OR12D3: variants seen among roughly 807,000 people sequenced by gnomAD.
The protein encoded by OR12D3 is olfactory receptor 12D3.
For synonymous variants in OR12D3, 142 were observed against 138.8 expected, an observed-to-expected ratio of 1.02 and a Z score of -0.16; for missense variants, 333 against 386.4, an observed-to-expected ratio of 0.86 and a Z score of 1.16.
chr6:29,374,926 A>G lies in OR12D3; in HGVS notation c.362T>C (p.Phe121Ser). Residue 121 changes from phenylalanine (F) to serine (S), a missense_variant, in exon 1 of 1, where the codon TTT becomes TCT. Coordinates refer to ENST00000396806, the MANE Select transcript of OR12D3 (RefSeq NM_030959.3). ...GCGAAGAGGATTGCAGATGGCAACA[A>G]AACGGTCAAAGGCCATGATAGCCAG... Reference protein sequence around the residue: ...ILLAIMAFDRFVAICNPLRYT... With the variant: ...ILLAIMAFDRSVAICNPLRYT... The G allele has an allele frequency of 6.2e-7, 1 of 1,614,006 alleles. No individual in the cohort carries two copies. Among genetic ancestry groups the G allele is most frequent in the Non-Finnish European group, 8.5e-7 (1 of 1,180,028 alleles).
chr6:29,374,157 T>C lies in OR12D3; in HGVS notation c.*180A>G. On this transcript the variant is annotated 3_prime_UTR_variant, in exon 1 of 1. Transcript: ENST00000396806. ...GGCCTCCATCACATTAAACTTTATG[T>C]TTGATGACATTATGGAATTTGTTTT... 1 of 578,352 alleles carries C rather than the reference T, an allele frequency of 1.7e-6. No individual in the cohort carries two copies. The highest frequency in any genetic ancestry group is 2.5e-5 in the South Asian group (1 of 40,624). The allele number at this position is 578,352 out of a possible 1,614,324, so 35.8% of individuals were successfully genotyped here.
rs1428843674 is a variant in OR12D3, at chr6:29,374,328, T to G, written c.*9A>C. ...AGTCTTAATAGAAATCAGATATCCC[T>G]CATTAGTCCTAGTGGTGTTGCTGCC... On this transcript the variant is annotated 3_prime_UTR_variant, in exon 1 of 1. Coordinates refer to ENST00000396806, the MANE Select transcript of OR12D3 (RefSeq NM_030959.3). 3.2e-6 allele frequency: 5 copies of G among 1,569,200 alleles called. No individual in the cohort carries two copies.
chr6:29,373,825 AATTAAG>A lies in OR12D3; in HGVS notation c.*506_*511del. On this transcript the variant is annotated 3_prime_UTR_variant, in exon 1 of 1. Transcript: ENST00000396806. ...ATACCCATTAAAAATTCTCTTCAAG[AATTAAG>A]ATTAACAAAAATGATATTCTAGATA... The A allele has an allele frequency of 2.5e-6, 1 of 395,090 alleles. No homozygotes were observed. The highest frequency in any genetic ancestry group is 4.5e-6 in the Non-Finnish European group (1 of 224,292). 24.5% of individuals were successfully genotyped at this position (395,090 alleles called of 1,614,324 possible). A position where few individuals can be genotyped will look rare whatever the true frequency, so the allele number is the denominator to read the frequency against.
In OR12D3 at chr6:29,373,917, A is replaced by C. The variant is rs1779262396; in HGVS notation, c.*420T>G. On this transcript the variant is annotated 3_prime_UTR_variant, in exon 1 of 1. Coordinates refer to ENST00000396806, the MANE Select transcript of OR12D3 (RefSeq NM_030959.3). ...CCTGCTGAAGGAAACACAAAAGGAA[A>C]AAAAATAGGCAAAAATAAAGATTAT... 2.5e-6 allele frequency: 1 copy of C among 399,072 alleles called. No homozygotes were observed. The highest frequency in any genetic ancestry group is 3.6e-5 in the East Asian group (1 of 28,060). The allele number at this position is 399,072 out of a possible 1,614,324, so 24.7% of individuals were successfully genotyped here. A position where few individuals can be genotyped will look rare whatever the true frequency, so the allele number is the denominator to read the frequency against.
At position 29,374,034 on chromosome 6, in the gene OR12D3, C is replaced by T; in HGVS notation, c.*303G>A. 1 of 410,352 alleles carries T rather than the reference C, an allele frequency of 2.4e-6. No individual in the cohort carries two copies. Among genetic ancestry groups the T allele is most frequent in the East Asian group, 3.5e-5 (1 of 28,504 alleles). The allele number at this position is 410,352 out of a possible 1,614,324, so 25.4% of individuals were successfully genotyped here. ...AAATGCCACATTCTTTTTTACACAG[C>T]AGATTCCTACTCTAACCCTCCCCAT... On this transcript the variant is annotated 3_prime_UTR_variant, in exon 1 of 1. Coordinates refer to ENST00000396806, the MANE Select transcript of OR12D3 (RefSeq NM_030959.3).
Position 29,374,660 on chromosome 6 carries a change from A to G in OR12D3, c.628T>C (p.Phe210Leu), listed in dbSNP as rs1359572988. ...VTGSISMGAFFLTLLSCFYVI... is the reference protein window; with the variant it reads ...VTGSISMGAFLLTLLSCFYVI... ...TAGAAGCAGGAGAGAAGAGTCAGAA[A>G]GAAAGCTCCCATGGATATGCTGCCT... The change falls in exon 1 of 1, where the codon TTT becomes CTT. Residue 210 changes from phenylalanine (F) to leucine (L), a missense_variant. Phe to Leu is a conservative substitution (Grantham distance 22). Coordinates refer to ENST00000396806, the MANE Select transcript of OR12D3 (RefSeq NM_030959.3). 34 of 1,612,306 alleles carry G rather than the reference A, an allele frequency of 2.1e-5. No individual in the cohort carries two copies. Among genetic ancestry groups the G allele is most frequent in the Non-Finnish European group, 2.8e-5 (33 of 1,180,026 alleles).
At position 29,373,494 on chromosome 6, in the gene OR12D3, A is replaced by G. The variant is rs1206564354; in HGVS notation, c.*843T>C. Reference sequence around the variant, plus strand: ...ATAAATTTAAATTTAATTCTATCAAAAATTTATCAAATTTAAATTGTGCAA... The same window carrying G: ...ATAAATTTAAATTTAATTCTATCAAGAATTTATCAAATTTAAATTGTGCAA... On this transcript the variant is annotated 3_prime_UTR_variant, in exon 1 of 1. Coordinates refer to ENST00000396806, the MANE Select transcript of OR12D3 (RefSeq NM_030959.3). 1 of 152,236 alleles carries G rather than the reference A, an allele frequency of 6.6e-6. No homozygotes were observed. Among genetic ancestry groups the G allele is most frequent in the Non-Finnish European group, 1.5e-5 (1 of 68,064 alleles). The allele number at this position is 152,236 out of a possible 1,614,324, so 9.4% of individuals were successfully genotyped here. A position where few individuals can be genotyped will look rare whatever the true frequency, so the allele number is the denominator to read the frequency against.
In OR12D3 at chr6:29,373,889, T is replaced by A. The variant is rs3117440; in HGVS notation, c.*448A>T. The A allele has an allele frequency of 0.96, 381,816 of 397,784 alleles. 183,386 individuals carry two copies. Among genetic ancestry groups the A allele is most frequent in the East Asian group, 1 (28,015 of 28,022 alleles). 24.6% of individuals were successfully genotyped at this position (397,784 alleles called of 1,614,324 possible). On this transcript the variant is annotated 3_prime_UTR_variant, in exon 1 of 1. Transcript: ENST00000396806. ...TTGTGAGAAAAATTATCATCAGTAC[T>A]TTCCTGCTGAAGGAAACACAAAAGG...
rs1175502989 is a variant in OR12D3 at position 29,374,488 on chromosome 6, A to G, written c.800T>C (p.Met267Thr). The G allele has an allele frequency of 6.2e-7, 1 of 1,613,062 alleles. No individual in the cohort carries two copies. Among genetic ancestry groups the G allele is most frequent in the South Asian group, 1.1e-5 (1 of 91,086 alleles). The change falls in exon 1 of 1, where the codon ATG (methionine) becomes ACG (threonine). Residue 267 changes from methionine to threonine, a missense_variant. Physicochemically the swap from Met to Thr is moderately conservative, Grantham distance 81. Transcript: ENST00000396806. The stretch of plus-strand genomic sequence containing the variant: ...GATGGCCATTATCCGGTCCTGAATC[A>G]TGGAGGTGGCTGAAGCAGGACGAAT... Reference protein sequence around the residue: ...TYIRPASATSMIQDRIMAIMY... With the variant: ...TYIRPASATSTIQDRIMAIMY...
chr6:29,374,496 G>T lies in OR12D3; in HGVS notation c.792C>A (p.Ala264=). Residue 264 remains alanine (A), a synonymous_variant, in exon 1 of 1, where the codon GCC becomes GCA. Transcript: ENST00000396806. ...VGFTYIRPAS[A]TSMIQDRIMA... ...TTATCCGGTCCTGAATCATGGAGGT[G>T]GCTGAAGCAGGACGAATATATGTGA... The T allele has an allele frequency of 1.2e-6, 2 of 1,613,018 alleles. No homozygotes were observed. Among genetic ancestry groups the T allele is most frequent in the South Asian group, 2.2e-5 (2 of 91,072 alleles).
Position 29,374,749 on chromosome 6 carries a change from T to C in OR12D3, c.539A>G (p.Lys180Arg), listed in dbSNP as rs780924323. ...ACTACAGGCCAATTCTAAGAGCGGC[T>C]TGACATCGTAGAAGAAGTGATTGAG... Reference protein sequence around the residue: ...QKLNHFFYDVKPLLELACSDT... With the variant: ...QKLNHFFYDVRPLLELACSDT... The change falls in exon 1 of 1, where the codon AAG becomes AGG. Residue 180 changes from lysine (K) to arginine (R), a missense_variant. Coordinates refer to ENST00000396806, the MANE Select transcript of OR12D3 (RefSeq NM_030959.3). The C allele has an allele frequency of 6.2e-7, 1 of 1,613,066 alleles. No individual in the cohort carries two copies. The highest frequency in any genetic ancestry group is 1.3e-5 in the African/African-American group (1 of 74,924).
Position 29,373,814 on chromosome 6 carries a change from T to G in OR12D3, c.*523A>C, listed in dbSNP as rs1032919298. On this transcript the variant is annotated 3_prime_UTR_variant, in exon 1 of 1. Transcript: ENST00000396806. ...CCTAAAATTAAATACCCATTAAAAA[T>G]TCTCTTCAAGAATTAAGATTAACAA... 33 of 393,534 alleles carry G rather than the reference T, an allele frequency of 8.4e-5. No individual in the cohort carries two copies. The highest frequency in any genetic ancestry group is 6.6e-4 in the African/African-American group (32 of 48,506). The allele number at this position is 393,534 out of a possible 1,614,324, so 24.4% of individuals were successfully genotyped here.
In OR12D3 at chr6:29,374,216, G is replaced by A. The variant is rs1779282232; in HGVS notation, c.*121C>T. 1.3e-6 allele frequency: 1 copy of A among 760,868 alleles called. No homozygotes were observed. The highest frequency in any genetic ancestry group is 2.6e-5 in the Admixed American group (1 of 38,072). 47.1% of individuals were successfully genotyped at this position (760,868 alleles called of 1,614,324 possible). A position where few individuals can be genotyped will look rare whatever the true frequency, so the allele number is the denominator to read the frequency against. ...CTGTGTTTCTTGAACCTACTACACT[G>A]CCTAATATAATATGTGCTCAAAATT... On this transcript the variant is annotated 3_prime_UTR_variant, in exon 1 of 1. Transcript: ENST00000396806.
At position 29,374,337 on chromosome 6, in the gene OR12D3, C is replaced by G. The variant is rs1357051150; in HGVS notation, c.951G>C (p.Ter317TyrextTer2). ...AGAAATCAGATATCCCTCATTAGTC[C>G]TAGTGGTGTTGCTGCCAGTCTTTAA... ...KLFKDWQQHH[*>Y] The change falls in exon 1 of 1, where the codon TAG becomes TAC. Residue 317 changes from the stop codon to tyrosine (Y), a stop_lost. Coordinates refer to ENST00000396806, the MANE Select transcript of OR12D3 (RefSeq NM_030959.3). The G allele has an allele frequency of 5.6e-6, 9 of 1,597,548 alleles. No homozygotes were observed. Among genetic ancestry groups the G allele is most frequent in the Non-Finnish European group, 6.0e-6 (7 of 1,169,162 alleles).
chr6:29,374,601 G>A lies in OR12D3; in HGVS notation c.687C>T (p.Ser229=), dbSNP rs1779317045. The part of the protein sequence containing the change: ...VIGFLLFKNR[S]CRILHKALST... ...ACAGAGCCTTGTGGAGTATTCTGCA[G>A]GACCTGTTCTTAAACAGAAGGAAGC... Residue 229 remains serine (S), a synonymous_variant, in exon 1 of 1, where the codon TCC becomes TCT. Transcript: ENST00000396806. 10 of 1,612,934 alleles carry A rather than the reference G, an allele frequency of 6.2e-6. No individual in the cohort carries two copies. In the East Asian group the frequency reaches 2.2e-4, roughly 36 times the overall value.
chr6:29,375,070 G>T lies in OR12D3; in HGVS notation c.218C>A (p.Ser73Ter). ...NLSCLDISYS[S>*]VTLPKLLVNL... The stretch of plus-strand genomic sequence containing the variant: ...TACGAGCAGCTTGGGCAGTGTCACT[G>T]AAGAATAAGAAATATCCAGACAAGA... The change falls in exon 1 of 1, where the codon TCA becomes TAA. Residue 73 changes from serine to a stop codon, truncating the protein, a stop_gained. Coordinates refer to ENST00000396806, the MANE Select transcript of OR12D3 (RefSeq NM_030959.3). LOFTEE classifies it low-confidence loss of function (END_TRUNC). 6.2e-7 allele frequency: 1 copy of T among 1,613,130 alleles called. No individual in the cohort carries two copies. Among genetic ancestry groups the T allele is most frequent in the Non-Finnish European group, 8.5e-7 (1 of 1,179,990 alleles).
At position 29,373,901 on chromosome 6, in the gene OR12D3, G is replaced by A. The variant is rs1779261494; in HGVS notation, c.*436C>T. Reference sequence around the variant, plus strand: ...TTATCATCAGTACTTTCCTGCTGAAGGAAACACAAAAGGAAAAAAAATAGG... The same window carrying A: ...TTATCATCAGTACTTTCCTGCTGAAAGAAACACAAAAGGAAAAAAAATAGG... On this transcript the variant is annotated 3_prime_UTR_variant, in exon 1 of 1. Coordinates refer to ENST00000396806, the MANE Select transcript of OR12D3 (RefSeq NM_030959.3). 1.5e-5 allele frequency: 6 copies of A among 398,050 alleles called. No homozygotes were observed. The highest frequency in any genetic ancestry group is 2.7e-5 in the Non-Finnish European group (6 of 226,316). 24.7% of individuals were successfully genotyped at this position (398,050 alleles called of 1,614,324 possible). A position where few individuals can be genotyped will look rare whatever the true frequency, so the allele number is the denominator to read the frequency against.
In OR12D3 at chr6:29,374,986, A is replaced by T; in HGVS notation, c.302T>A (p.Phe101Tyr). ...CTCTGTGCTTCCCAAAAAGTGGAAG[A>T]AGTGTAGCTGGGTGATACAGCCTAG... Reference protein sequence around the residue: ...SFLGCITQLHFFHFLGSTEAI... With the variant: ...SFLGCITQLHYFHFLGSTEAI... Residue 101 changes from phenylalanine (F) to tyrosine (Y), a missense_variant, in exon 1 of 1, where the codon TTC (phenylalanine) becomes TAC (tyrosine). Transcript: ENST00000396806. The T allele has an allele frequency of 6.2e-7, 1 of 1,613,938 alleles. No individual in the cohort carries two copies. Among genetic ancestry groups the T allele is most frequent in the Non-Finnish European group, 8.5e-7 (1 of 1,180,046 alleles).
chr6:29,374,986 A>C lies in OR12D3; in HGVS notation c.302T>G (p.Phe101Cys), dbSNP rs754781825. 6.2e-7 allele frequency: 1 copy of C among 1,613,938 alleles called. No homozygotes were observed. Among genetic ancestry groups the C allele is most frequent in the Non-Finnish European group, 8.5e-7 (1 of 1,180,046 alleles). ...CTCTGTGCTTCCCAAAAAGTGGAAG[A>C]AGTGTAGCTGGGTGATACAGCCTAG... ...SFLGCITQLH[F>C]FHFLGSTEAI... The change falls in exon 1 of 1, where the codon TTC becomes TGC. Residue 101 changes from phenylalanine (F) to cysteine (C), a missense_variant. Coordinates refer to ENST00000396806, the MANE Select transcript of OR12D3 (RefSeq NM_030959.3).
Sources: allele counts gnomAD v4.1 joint callset, GRCh38; gene constraint gnomAD v4.1.1; transcripts MANE v1.5; gene names NCBI Gene and HGNC (gene_info 2026-07-23, HGNC 2026-07-21).